The following ENTPD6 variants were observed in gnomAD, a reference collection of about 807,000 sequenced individuals.
ENTPD6 encodes the protein CD39 antigen-like 2.
Under a neutral mutation model 61.5 loss-of-function variants are expected in ENTPD6, and 46 were observed. The ratio of observed to expected loss-of-function variants is 0.75; its 90% CI spans 0.59 to 0.96. ENTPD6 has a LOEUF of 0.96. ENTPD6 is among the 40% of genes least tolerant of loss of function. The pLI is 0.00. For synonymous variants in ENTPD6, 252 were observed against 255.5 expected (o/e 0.99, Z 0.13); for missense variants, 612 against 629.0 (o/e 0.97, Z 0.29).
intron 7 of ENTPD6, 40 bp downstream of exon 7, chr20:25,215,751 A>C: frequency 6.2e-7 from 1 of 1,608,366 alleles, no homozygotes; most frequent in South Asian, 1.1e-5. Flanking sequence ...CCGATCACAG[A>C]CACCTGCGGA....
chr20:25,215,635 T>C, intron 6 of ENTPD6, 41 bp from the exon 7 acceptor site: 1 of 1,610,698 alleles, frequency 6.2e-7, no homozygotes, highest in East Asian at 2.2e-5. Flanking sequence ...GCTTTCAGCA[T>C]CTCAAGTGAT....
intron 4 of ENTPD6, among the ~76,000 whole-genome samples, chr20:25,212,644 A>G (rs2092048220): frequency 6.6e-6 from 1 of 152,212 alleles, no homozygotes; most frequent in East Asian, 1.9e-4. Flanking sequence ...GCTTGAGGCC[A>G]GGAGTTCAAG....
At chr20:25,218,945 G>T (rs183060411) in intron 10 of ENTPD6, among the ~76,000 whole-genome samples, 1 of 152,360 alleles carries the variant, frequency 6.6e-6, no homozygotes, top group African/African-American at 2.4e-5. Flanking sequence ...GCACTAGCAT[G>T]ATCCCAGCTC....
rs538480461 is a variant in ENTPD6 at position 25,201,739 on chromosome 20, G to A, written c.-15-4783G>A. On this transcript the variant is annotated intron_variant, in intron 1 of 14. Coordinates refer to ENST00000376652, the MANE Select transcript of ENTPD6 (RefSeq NM_001247.5). ...GGATACCAACCCCTCACCTGCAGTT[G>A]AAAATCCAAGTGTAACTTCAGTCTA... Among the ~76,000 whole-genome samples the A allele has an allele frequency of 2.0e-5, 3 of 152,304 alleles. No homozygotes were observed. The South Asian group carries it at 6.2e-4, about 32-fold the overall frequency.
chr20:25,205,863 C>A (rs2091451947), intron 1 of ENTPD6, among the ~76,000 whole-genome samples: 1 of 152,196 alleles, frequency 6.6e-6, no homozygotes, highest in African/African-American at 2.4e-5. Context: ...ATGGCCTGCT[C>A]CCCGTGCTTT....
At position 25,220,342 on chromosome 20, in the gene ENTPD6, G is replaced by A. The variant is rs1358009973; in HGVS notation, c.944-890G>A. On this transcript the variant is annotated intron_variant, in intron 10 of 14. Coordinates refer to ENST00000376652, the MANE Select transcript of ENTPD6 (RefSeq NM_001247.5). ...GTCTAGACCCTCCCGCTGGGGTCCTGGGGTTCTGTGCAGGTGCATGTGGCT... is the reference window on the plus strand; with the variant it reads ...GTCTAGACCCTCCCGCTGGGGTCCTAGGGTTCTGTGCAGGTGCATGTGGCT... 2.6e-5 allele frequency among the ~76,000 whole-genome samples: 4 copies of A among 152,102 alleles called. No homozygotes were observed. In the East Asian group the frequency reaches 7.7e-4, roughly 29 times the overall value.
Position 25,222,871 on chromosome 20 carries a change from T to C in ENTPD6, c.1079T>C (p.Val360Ala). 6.2e-7 allele frequency: 1 copy of C among 1,613,972 alleles called. No homozygotes were observed. The highest frequency in any genetic ancestry group is 1.3e-5 in the African/African-American group (1 of 74,984). Residue 360 changes from valine (V) to alanine (A), a missense_variant, in exon 12 of 15, where the codon GTG becomes GCG. Transcript: ENST00000376652. ...CTGCACGAGCTGTGTGCTGCCAGAG[T>C]GTCAGAGGTCCTTCAAAACAGAGTG... ...ASLHELCAAR[V>A]SEVLQNRVHR...
chr20:25,198,542 G>T (rs906635917), intron 1 of ENTPD6, among the ~76,000 whole-genome samples: 1 of 152,082 alleles, frequency 6.6e-6, no homozygotes, highest in Non-Finnish European at 1.5e-5. Context: ...ACAGTTGTAG[G>T]GTGTTACTAT....
At chr20:25,212,655 A>G (rs1050914492) in intron 4 of ENTPD6, among the ~76,000 whole-genome samples, 1 of 152,002 alleles carries the variant, frequency 6.6e-6, no homozygotes, top group East Asian at 1.9e-4. Flanking sequence ...GGAGTTCAAG[A>G]CCAACATGGG....
In ENTPD6 at chr20:25,209,939, C is replaced by T; in HGVS notation, c.453+14C>T. On this transcript the variant is annotated intron_variant, in intron 4 of 14. Coordinates refer to ENST00000376652, the MANE Select transcript of ENTPD6 (RefSeq NM_001247.5). The stretch of plus-strand genomic sequence containing the variant: ...GATGTTGAAAAGGTAAGGATCCTCT[C>T]CCGTGTCTCCCTGTTCAACTGCAGA... 1.2e-6 allele frequency: 2 copies of T among 1,604,766 alleles called. No homozygotes were observed. Among genetic ancestry groups the T allele is most frequent in the South Asian group, 1.1e-5 (1 of 90,854 alleles).
At chr20:25,224,506 C>T (rs969946746) in intron 13 of ENTPD6, 7 of 183,242 alleles carry the variant, frequency 3.8e-5, no homozygotes, top group African/African-American at 1.2e-4. Flanking sequence ...GGGCTGTCCC[C>T]GGGGTCGCAG....
rs998277433 is a variant in ENTPD6 at position 25,227,565 on chromosome 20, T to C, written c.*1968T>C. Reference sequence around the variant, plus strand: ...GAAGTAGGCTCTCATTTGTCAAAAATAGCTACACGTGCACATCGTAAAAGA... The same window carrying C: ...GAAGTAGGCTCTCATTTGTCAAAAACAGCTACACGTGCACATCGTAAAAGA... On this transcript the variant is annotated 3_prime_UTR_variant, in exon 15 of 15. Transcript: ENST00000376652. 6.6e-6 allele frequency among the ~76,000 whole-genome samples: 1 copy of C among 152,216 alleles called. No individual in the cohort carries two copies. Among genetic ancestry groups the C allele is most frequent in the Non-Finnish European group, 1.5e-5 (1 of 68,038 alleles).
In ENTPD6 at chr20:25,218,603, A is replaced by C. The variant is rs1422798334; in HGVS notation, c.932A>C (p.Glu311Ala). ...CGCCTGGCGATCCTGGGCGGCGTGGAGGGGCAGCCTGGTGAGTGGACATGT... is the reference window on the plus strand; with the variant it reads ...CGCCTGGCGATCCTGGGCGGCGTGGCGGGGCAGCCTGGTGAGTGGACATGT... ...SARLAILGGV[E>A]GQPAKDGKEL... Residue 311 changes from glutamate to alanine, a missense_variant, in exon 10 of 15, where the codon GAG becomes GCG. By Grantham distance (107) the Glu-to-Ala change is moderately radical. Coordinates refer to ENST00000376652, the MANE Select transcript of ENTPD6 (RefSeq NM_001247.5). The C allele has an allele frequency of 4.4e-6, 7 of 1,605,942 alleles. No homozygotes were observed. The East Asian group carries it at 8.9e-5, about 21-fold the overall frequency.
In ENTPD6 at chr20:25,215,720, A is replaced by G; in HGVS notation, c.709+9A>G. ...CATCAACTTCCTGACAGGTGTGTGC[A>G]CACTGCATCACAGAGGCTAGCCGAT... is the stretch of plus-strand genomic sequence containing the variant. On this transcript the variant is annotated intron_variant, in intron 7 of 14. Transcript: ENST00000376652. The G allele has an allele frequency of 6.2e-7, 1 of 1,614,134 alleles. No homozygotes were observed. Among genetic ancestry groups the G allele is most frequent in the Non-Finnish European group, 8.5e-7 (1 of 1,179,960 alleles).
intron 1 of ENTPD6, among the ~76,000 whole-genome samples, chr20:25,198,848 C>T (rs1250829460): frequency 6.6e-6 from 1 of 152,174 alleles, no homozygotes; most frequent in Non-Finnish European, 1.5e-5. Flanking sequence ...AACCTGTCAC[C>T]TCTCATAGGG....
In ENTPD6 at chr20:25,218,535, G is replaced by A. The variant is rs1196676385; in HGVS notation, c.879-15G>A. 1.3e-6 allele frequency: 2 copies of A among 1,599,048 alleles called. No homozygotes were observed. Among genetic ancestry groups the A allele is most frequent in the Admixed American group, 1.7e-5 (1 of 58,188 alleles). ...TGCCATGGCAGCTGCCCTCACTGAG[G>A]TGTCATTCCCACAGCTACCTCGGGC... On this transcript the variant is annotated splice_polypyrimidine_tract_variant and intron_variant, in intron 9 of 14. Transcript: ENST00000376652.
Position 25,195,820 on chromosome 20 carries a change from G to T in ENTPD6, c.-63G>T. 3 of 1,240,656 alleles carry T rather than the reference G, an allele frequency of 2.4e-6. No individual in the cohort carries two copies. The highest frequency in any genetic ancestry group is 3.0e-6 in the Non-Finnish European group (3 of 989,012). The allele number at this position is 1,240,656 out of a possible 1,614,324, so 76.9% of individuals were successfully genotyped here. On this transcript the variant is annotated 5_prime_UTR_variant, in exon 1 of 15. Transcript: ENST00000376652. The stretch of plus-strand genomic sequence containing the variant: ...AAAGACCGGCTGCCGCCTGCTCCCC[G>T]GAAAAGGGCACTCGTCTCCGTGGGT...
intron 3 of ENTPD6, among the ~76,000 whole-genome samples, chr20:25,207,622 G>A (rs1014514503): frequency 2.0e-5 from 3 of 152,184 alleles, no homozygotes; most frequent in Admixed American, 1.3e-4. Context: ...AGACCTTGAG[G>A]TGTTTGGTGG....
rs73339099 is a variant in ENTPD6, at chr20:25,223,526, C to T, written c.1186+548C>T. 7.1e-3 allele frequency among the ~76,000 whole-genome samples: 1,074 copies of T among 152,176 alleles called. 16 individuals are homozygous for T. Among genetic ancestry groups the T allele is most frequent in the African/African-American group, 0.025 (1,029 of 41,514 alleles). On this transcript the variant is annotated intron_variant, in intron 12 of 14. Transcript: ENST00000376652. ...TCATCAGAATGTATGGCCTGTGGTACGGATAAGAACACTACTGTTTTAAAT... is the reference window on the plus strand; with the variant it reads ...TCATCAGAATGTATGGCCTGTGGTATGGATAAGAACACTACTGTTTTAAAT...
Sources: allele counts gnomAD v4.1 joint callset (sites outside exome capture counted in the v4.1 genomes callset), GRCh38; gene constraint gnomAD v4.1.1; transcripts MANE v1.5; gene names NCBI Gene and HGNC (gene_info 2026-07-23, HGNC 2026-07-21).